Variants in PRUNE2 observed in about 807,000 individuals in gnomAD.
PRUNE2 encodes prune homolog 2 with BCH domain, also known as protein prune homolog 2.
PRUNE2 carries 164 observed loss-of-function variants against 252.0 expected under a neutral mutation model. The ratio of observed to expected loss-of-function variants is 0.65; its 90% confidence interval spans 0.57 to 0.74. The LOEUF is 0.74. Among genes scored for constraint, PRUNE2 ranks in the 30% least tolerant of loss-of-function variants. The probability of loss-of-function intolerance (pLI) is 0.00; values close to 1 mark genes in which losing one functional copy is unlikely to be tolerated. For synonymous variants in PRUNE2, 1,292 were observed against 1,350.2 expected (o/e 0.96, Z 0.94); for missense variants, 3,495 against 3,711.0 (o/e 0.94, Z 1.51).
intron 2 of PRUNE2, among the ~76,000 whole-genome samples, chr9:76,852,303 A>G (rs2060004273): frequency 6.6e-6 from 1 of 152,244 alleles, no homozygotes; most frequent in Non-Finnish European, 1.5e-5. Flanking sequence ...TAATGAATGG[A>G]GGGTTCTATC....
chr9:76,735,132 G>A (rs1403355370), intron 6 of PRUNE2, among the ~76,000 whole-genome samples: 1 of 152,194 alleles, frequency 6.6e-6, no homozygotes, highest in Admixed American at 6.5e-5. Flanking sequence ...TGGCACACTT[G>A]GAGTTTGAGT....
intron 6 of PRUNE2, chr9:76,819,291 G>A (rs1215725976): frequency 1.3e-5 from 2 of 152,082 alleles, no homozygotes; most frequent in Non-Finnish European, 2.9e-5. Flanking sequence ...TACTAGATGG[G>A]TCCTAATCTA....
At chr9:76,880,155 C>T (rs552908202) in intron 1 of PRUNE2, among the ~76,000 whole-genome samples, 4 of 151,694 alleles carry the variant, frequency 2.6e-5, no homozygotes, top group South Asian at 2.1e-4. Flanking sequence ...CCTTGTGATC[C>T]GCCCTCCTCG....
intron 12 of PRUNE2, among the ~76,000 whole-genome samples, chr9:76,644,030 G>A (rs1843696771): frequency 6.6e-6 from 1 of 152,094 alleles, no homozygotes; most frequent in Non-Finnish European, 1.5e-5. Flanking sequence ...ATGCTGTCGA[G>A]GTTTTCTGAA....
chr9:76,655,373 C>T lies in PRUNE2; in HGVS notation c.8356+50G>A, dbSNP rs116112717. The T allele has an allele frequency of 2.9e-4, 368 of 1,279,742 alleles. 1 individual carries two copies. The African/African-American group carries it at 4.9e-3, about 17-fold the overall frequency. The allele number at this position is 1,279,742 out of a possible 1,614,324, so 79.3% of individuals were successfully genotyped here. A position where few individuals can be genotyped will look rare whatever the true frequency, so the allele number is the denominator to read the frequency against. On this transcript the variant is annotated intron_variant, in intron 10 of 18. Transcript: ENST00000376718. ...TAATTCTTTCACTGAATAATGAAAA[C>T]GTTGGGATACAGAATACCAACGAAG...
intron 6 of PRUNE2, among the ~76,000 whole-genome samples, chr9:76,781,175 AC>A (rs1249887834): frequency 6.6e-6 from 1 of 152,180 alleles, no homozygotes; most frequent in Non-Finnish European, 1.5e-5. Context: ...GCAGCCGCTA[AC>A]CCATCTCTTT....
chr9:76,839,807 G>A (rs2059280538), intron 4 of PRUNE2, among the ~76,000 whole-genome samples: 2 of 152,208 alleles, frequency 1.3e-5, no homozygotes, highest in African/African-American at 4.8e-5. Context: ...AATGTAGAGG[G>A]AGTCATGTTA....
At chr9:76,721,085 G>C (rs1180898650) in intron 6 of PRUNE2, among the ~76,000 whole-genome samples, 2 of 152,178 alleles carry the variant, frequency 1.3e-5, no homozygotes, top group Admixed American at 6.5e-5. Flanking sequence ...CTGGGCAACA[G>C]AGCGAGACTC....
intron 5 of PRUNE2, 72 bp from the exon 6 acceptor site, chr9:76,823,798 T>C: frequency 1.2e-6 from 1 of 865,678 alleles, no homozygotes; most frequent in Non-Finnish European, 1.9e-6. Flanking sequence ...CAAGCGATGT[T>C]TTGAAGAATT....
At chr9:76,764,794 G>A (rs2130803613) in intron 6 of PRUNE2, among the ~76,000 whole-genome samples, 1 of 152,270 alleles carries the variant, frequency 6.6e-6, no homozygotes, top group East Asian at 1.9e-4. Flanking sequence ...GAGTGAACAA[G>A]CTATTTGCTT....
At chr9:76,614,674 C>T in intron 18 of PRUNE2, 74 bp from the exon 19 acceptor site, 2 of 1,150,178 alleles carry the variant, frequency 1.7e-6, no homozygotes, top group Non-Finnish European at 2.5e-6. Context: ...TTGGGTAGCA[C>T]TGTGTTTGCT....
At chr9:76,838,840 T>C (rs2059220494) in intron 4 of PRUNE2, among the ~76,000 whole-genome samples, 1 of 152,150 alleles carries the variant, frequency 6.6e-6, no homozygotes, top group African/African-American at 2.4e-5. Flanking sequence ...TCTCTTTACC[T>C]GGATAATTGT....
intron 6 of PRUNE2, among the ~76,000 whole-genome samples, chr9:76,728,602 G>T (rs755893336): frequency 1.3e-5 from 2 of 152,150 alleles, no homozygotes; most frequent in Non-Finnish European, 2.9e-5. Flanking sequence ...AGTCACTGGG[G>T]AAAAATATAA....
intron 4 of PRUNE2, 57 bp downstream of exon 4, chr9:76,846,458 G>A: frequency 6.8e-7 from 1 of 1,467,268 alleles, no homozygotes; most frequent in Non-Finnish European, 9.3e-7. Flanking sequence ...TACATGAGCA[G>A]GCTGGGAGAC....
At chr9:76,644,461 A>G (rs930632217) in intron 12 of PRUNE2, 4 of 430,052 alleles carry the variant, frequency 9.3e-6, no homozygotes, top group Non-Finnish European at 1.2e-5. Flanking sequence ...AAATTAGACA[A>G]CTATGACTTT....
At chr9:76,732,532 C>T (rs1042138735) in intron 6 of PRUNE2, among the ~76,000 whole-genome samples, 2 of 152,140 alleles carry the variant, frequency 1.3e-5, no homozygotes, top group East Asian at 3.9e-4. Context: ...CTAAGGATTC[C>T]TTATTTCTTA....
At chr9:76,684,837 C>T (rs1057509733) in intron 9 of PRUNE2, among the ~76,000 whole-genome samples, 7 of 152,094 alleles carry the variant, frequency 4.6e-5, no homozygotes, top group Non-Finnish European at 1.0e-4. Context: ...CTGAAACCTC[C>T]ACCTCCCGAG....
At chr9:76,625,305 T>C (rs1291358704) in intron 16 of PRUNE2, among the ~76,000 whole-genome samples, 6 of 152,208 alleles carry the variant, frequency 3.9e-5, no homozygotes, top group Non-Finnish European at 7.3e-5. Context: ...CATGGTGTTA[T>C]AGCTGCCTGC....
intron 1 of PRUNE2, among the ~76,000 whole-genome samples, chr9:76,890,246 C>T (rs1312659538): frequency 6.6e-6 from 1 of 152,176 alleles, no homozygotes; most frequent in Non-Finnish European, 1.5e-5. Flanking sequence ...ACATATGTAG[C>T]TGCACAGAAA....
Sources: gnomAD v4.1 joint callset for allele counts (sites outside exome capture counted in the v4.1 genomes callset) on GRCh38, gnomAD v4.1.1 for gene constraint, MANE v1.5 for transcripts, NCBI Gene and HGNC (gene_info 2026-07-23, HGNC 2026-07-21) for gene names.